The following LPP variants were observed in gnomAD, a reference collection of about 807,000 sequenced individuals.
The protein encoded by LPP is LIM domain containing preferred translocation partner in lipoma.
In LPP, 38 loss-of-function variants were observed where a neutral mutation model predicts 60.4. That is an observed-to-expected ratio of 0.63 (90% CI 0.49 to 0.83). LPP has a LOEUF of 0.83. Among genes scored for constraint, LPP ranks in the 40% least tolerant of loss-of-function variants. LPP has a pLI of 0.00. For synonymous variants in LPP, 328 were observed against 290.8 expected, an observed-to-expected ratio of 1.13 and a Z score of -1.30; for missense variants, 902 against 783.6, an observed-to-expected ratio of 1.15 and a Z score of -1.80.
chr3:188,559,158 G>A (rs1440118096), intron 6 of LPP, among the ~76,000 whole-genome samples: 1 of 152,032 alleles, frequency 6.6e-6, no homozygotes, highest in Non-Finnish European at 1.5e-5. Context: ...TTGCAGCCAA[G>A]CATCCTAGAC....
At chr3:188,872,931 G>A (rs1308363179) in intron 11 of LPP, among the ~76,000 whole-genome samples, 168 bp downstream of exon 11, 2 of 152,150 alleles carry the variant, frequency 1.3e-5, no homozygotes, top group African/African-American at 4.8e-5. Context: ...ACATGCTGTT[G>A]AATAAGTCAC....
At chr3:188,646,950 C>G (rs992818624) in intron 7 of LPP, among the ~76,000 whole-genome samples, 2 of 152,248 alleles carry the variant, frequency 1.3e-5, no homozygotes, top group Non-Finnish European at 2.9e-5. Flanking sequence ...CTTCCCCTGC[C>G]TGAGCCTTAC....
At chr3:188,335,434 C>T (rs915715250) in intron 2 of LPP, among the ~76,000 whole-genome samples, 2 of 152,074 alleles carry the variant, frequency 1.3e-5, no homozygotes, top group Admixed American at 1.3e-4. Flanking sequence ...ATTCAGTTTG[C>T]TAGTATTTTG....
intron 9 of LPP, among the ~76,000 whole-genome samples, chr3:188,783,328 G>C (rs1740435946): frequency 6.6e-6 from 1 of 152,078 alleles, no homozygotes; most frequent in Non-Finnish European, 1.5e-5. Flanking sequence ...CGACAGACTG[G>C]ATAAAGAAAA....
intron 2 of LPP, among the ~76,000 whole-genome samples, chr3:188,288,510 A>G (rs1222704395): frequency 8.2e-6 from 1 of 122,388 alleles, no homozygotes; most frequent in Middle Eastern, 4.6e-3. Flanking sequence ...GTCCTGTCTC[A>G]GCATTGCTCC....
intron 3 of LPP, among the ~76,000 whole-genome samples, chr3:188,390,717 A>G (rs1779494271): frequency 6.6e-6 from 1 of 151,952 alleles, no homozygotes; most frequent in African/African-American, 2.4e-5. Context: ...TTTTCTTGAG[A>G]GATCTAAGCA....
At chr3:188,256,447 T>C (rs1480319790) in intron 2 of LPP, among the ~76,000 whole-genome samples, 3 of 152,210 alleles carry the variant, frequency 2.0e-5, no homozygotes, top group Non-Finnish European at 4.4e-5. Context: ...TACTGGGTTG[T>C]TTGTGGAATG....
At chr3:188,415,486 A>C (rs1056664031) in intron 4 of LPP, among the ~76,000 whole-genome samples, 6 of 152,118 alleles carry the variant, frequency 3.9e-5, no homozygotes, top group African/African-American at 1.4e-4. Flanking sequence ...CTGTACATGG[A>C]TGTTCATAGC....
chr3:188,888,132 C>G lies in LPP; in HGVS notation c.*13653C>G, dbSNP rs1372224248. On this transcript the variant is annotated 3_prime_UTR_variant, in exon 12 of 12. Transcript: ENST00000617246. ...TGCATGTTTTCTGTATAATAAACCA[C>G]TTTTGTTTTGTTTGTTTTGTCTTTT... is the stretch of plus-strand genomic sequence containing the variant. The G allele has an allele frequency of 4.5e-6, 1 of 220,440 alleles. No homozygotes were observed. Among genetic ancestry groups the G allele is most frequent in the East Asian group, 6.6e-5 (1 of 15,082 alleles). The allele number at this position is 220,440 out of a possible 1,614,324, so 13.7% of individuals were successfully genotyped here. A position where few individuals can be genotyped will look rare whatever the true frequency, so the allele number is the denominator to read the frequency against.
intron 9 of LPP, among the ~76,000 whole-genome samples, chr3:188,800,246 C>CTTT (rs33982362): frequency 0.018 from 1,749 of 97,290 alleles, 153 homozygotes; most frequent in African/African-American, 0.046. Flanking sequence ...TTGAAGCTTT[C>CTTT]TTTTTTTTTT....
At chr3:188,732,402 T>C (rs1324805343) in intron 8 of LPP, among the ~76,000 whole-genome samples, 4 of 152,234 alleles carry the variant, frequency 2.6e-5, no homozygotes, top group African/African-American at 9.6e-5. Flanking sequence ...TGAACCACTG[T>C]GCACTGTACA....
Position 188,186,065 on chromosome 3 carries a change from C to A in LPP, c.-190+31813C>A, listed in dbSNP as rs1726508387. Among the ~76,000 whole-genome samples, 3 of 152,004 alleles carry A rather than the reference C, an allele frequency of 2.0e-5. No homozygotes were observed. In the South Asian group the frequency reaches 6.2e-4, roughly 31 times the overall value. On this transcript the variant is annotated intron_variant, in intron 1 of 11. Transcript: ENST00000617246. The stretch of plus-strand genomic sequence containing the variant: ...TCATTCAGGGCACAGGTTGGGCTTG[C>A]CCGGAGCCATAGTTCTTGAGACTTA...
At chr3:188,721,105 A>C (rs1249164635) in intron 8 of LPP, among the ~76,000 whole-genome samples, 1 of 152,158 alleles carries the variant, frequency 6.6e-6, no homozygotes, top group African/African-American at 2.4e-5. Flanking sequence ...TATCCATAGT[A>C]TTATTTGCCT....
intron 4 of LPP, among the ~76,000 whole-genome samples, chr3:188,458,602 C>T (rs1798285627): frequency 6.6e-6 from 1 of 152,192 alleles, no homozygotes; most frequent in Non-Finnish European, 1.5e-5. Context: ...TCTTGCTTCA[C>T]CTATACACCT....
In LPP at chr3:188,602,173, AT is replaced by A. The variant is rs1841436978; in HGVS notation, c.430-6987del. On this transcript the variant is annotated intron_variant, in intron 6 of 11. Transcript: ENST00000617246. ...TATATAATATATATATAATATATAT[AT>A]ATTATATATATATATGACATTCTTA... Among the ~76,000 whole-genome samples the A allele has an allele frequency of 3.8e-4, 38 of 100,992 alleles. 3 individuals carry two copies. Among genetic ancestry groups the A allele is most frequent in the Non-Finnish European group, 8.7e-4 (34 of 39,070 alleles). 66.3% of individuals were successfully genotyped at this position (100,992 alleles called of 152,430 possible).
At chr3:188,320,808 T>G (rs547892089) in intron 2 of LPP, among the ~76,000 whole-genome samples, 224 of 152,256 alleles carry the variant, frequency 1.5e-3, no homozygotes, top group Non-Finnish European at 1.8e-3. Context: ...TCTCAGAGGA[T>G]GCACAGAGGA....
chr3:188,179,574 T>A (rs773431924), intron 1 of LPP: 1 of 436,922 alleles, frequency 2.3e-6, no homozygotes, highest in East Asian at 7.1e-5. Flanking sequence ...TCTCGAGAGG[T>A]CTGTCTCCTG....
intron 3 of LPP, among the ~76,000 whole-genome samples, chr3:188,361,569 C>A (rs954395656): frequency 4.5e-5 from 6 of 133,228 alleles, no homozygotes; most frequent in Non-Finnish European, 6.3e-5. Flanking sequence ...CTCCTCTCCT[C>A]TCCTTTCATT....
intron 2 of LPP, among the ~76,000 whole-genome samples, chr3:188,281,527 C>G (rs764679799): frequency 6.9e-5 from 10 of 144,466 alleles, no homozygotes; most frequent in Non-Finnish European, 1.5e-4. Flanking sequence ...TCGCTTGAAC[C>G]CAGGAGGCGG....
Sources: allele counts gnomAD v4.1 joint callset (sites outside exome capture counted in the v4.1 genomes callset), GRCh38; gene constraint gnomAD v4.1.1; transcripts MANE v1.5; gene names NCBI Gene and HGNC (gene_info 2026-07-23, HGNC 2026-07-21).